The following HAL variants were observed in gnomAD, a reference collection of about 807,000 sequenced individuals.
HAL encodes the protein histidase.
In HAL, 85 loss-of-function variants were observed where a neutral mutation model predicts 81.1. That is an observed-to-expected ratio of 1.05 (90% CI 0.88 to 1.25). The LOEUF (loss-of-function observed/expected upper bound fraction) is 1.25. HAL is among the 50% of genes most tolerant of loss of function. The pLI, the probability that HAL is intolerant of heterozygous loss-of-function variation, is 0.00. For missense variants in HAL, 798 were observed against 836.6 expected, an observed-to-expected ratio of 0.95 and a Z score of 0.57; for synonymous variants, 301 against 309.2, an observed-to-expected ratio of 0.97 and a Z score of 0.28.
rs1361520406 is a variant in HAL, at chr12:95,973,959, T to G, written c.*273A>C. The G allele has an allele frequency of 1.0e-5, 5 of 492,918 alleles. No homozygotes were observed. The highest frequency in any genetic ancestry group is 1.9e-5 in the African/African-American group (1 of 51,748). The allele number at this position is 492,918 out of a possible 1,614,324, so 30.5% of individuals were successfully genotyped here. On this transcript the variant is annotated 3_prime_UTR_variant, in exon 21 of 21. Coordinates refer to ENST00000261208, the MANE Select transcript of HAL (RefSeq NM_002108.4). ...CAATTGTGGTTATTCTTCTCACCCTTAAGAGTGAGTGGCCTGTTGAAACTG... is the reference window on the plus strand; with the variant it reads ...CAATTGTGGTTATTCTTCTCACCCTGAAGAGTGAGTGGCCTGTTGAAACTG...
At position 95,983,098 on chromosome 12, in the gene HAL, A is replaced by C. The variant is rs532777749; in HGVS notation, c.1287+813T>G. 3.7e-4 allele frequency among the ~76,000 whole-genome samples: 57 copies of C among 152,352 alleles called. No individual in the cohort carries two copies. The South Asian group carries it at 9.3e-3, about 25-fold the overall frequency. ...AAGTGCGCATGACAAATAAAAACTC[A>C]TGATGGGGGCTGGGTGTAGTCGCTC... On this transcript the variant is annotated intron_variant, in intron 15 of 20. Coordinates refer to ENST00000261208, the MANE Select transcript of HAL (RefSeq NM_002108.4).
In HAL at chr12:95,989,524, G is replaced by A. The variant is rs1196563056; in HGVS notation, c.855+869C>T. On this transcript the variant is annotated intron_variant, in intron 10 of 20. Transcript: ENST00000261208. ...CTTCTCCAAGCAACCTCCAGTTTCT[G>A]CAATGCAGAACCACACATAGAAGGG... 3.3e-5 allele frequency: 5 copies of A among 152,306 alleles called. No individual in the cohort carries two copies. In the East Asian group the frequency reaches 7.7e-4, roughly 23 times the overall value. The allele number at this position is 152,306 out of a possible 1,614,324, so 9.4% of individuals were successfully genotyped here. A position where few individuals can be genotyped will look rare whatever the true frequency, so the allele number is the denominator to read the frequency against.
chr12:95,990,129 G>C (rs1949950764), intron 10 of HAL, among the ~76,000 whole-genome samples: 2 of 152,182 alleles, frequency 1.3e-5, no homozygotes, highest in South Asian at 4.1e-4. Context: ...GTAGGTGCAG[G>C]ATAAATAGTT....
chr12:95,980,522 G>A (rs773333566), intron 17 of HAL, 34 bp downstream of exon 17: 12 of 1,602,480 alleles, frequency 7.5e-6, no homozygotes, highest in East Asian at 4.5e-5. Flanking sequence ...TAGATGGACG[G>A]GCGTGTGTTC....
At chr12:95,984,206 A>G (rs1949848788) in intron 14 of HAL, among the ~76,000 whole-genome samples, 1 of 152,234 alleles carries the variant, frequency 6.6e-6, no homozygotes, top group South Asian at 2.1e-4. Context: ...ATTCATTATC[A>G]TATATATTCA....
In HAL at chr12:95,993,585, G is replaced by T. The variant is rs1949997310; in HGVS notation, c.552-97C>A. ...AGGGAATCATGGTCAAATCCTTGGA[G>T]GGACAGAAGGAAGGCAATGGGAGAA... On this transcript the variant is annotated intron_variant, in intron 7 of 20. Coordinates refer to ENST00000261208, the MANE Select transcript of HAL (RefSeq NM_002108.4). 11 of 951,388 alleles carry T rather than the reference G, an allele frequency of 1.2e-5. No homozygotes were observed. The East Asian group carries it at 2.4e-4, about 21-fold the overall frequency. The allele number at this position is 951,388 out of a possible 1,614,324, so 58.9% of individuals were successfully genotyped here. A position where few individuals can be genotyped will look rare whatever the true frequency, so the allele number is the denominator to read the frequency against.
Position 95,987,003 on chromosome 12 carries a change from C to T in HAL, c.1051+64G>A, listed in dbSNP as rs1949897237. The T allele has an allele frequency of 2.8e-6, 4 of 1,414,682 alleles. No individual in the cohort carries two copies. The Admixed American group carries it at 5.0e-5, about 18-fold the overall frequency. The allele number at this position is 1,414,682 out of a possible 1,614,324, so 87.6% of individuals were successfully genotyped here. ...CCACCACTTCTGTGTCTAAAGATCTCAGCCACCCCGCCCCACCACCTCTGG... is the reference window on the plus strand; with the variant it reads ...CCACCACTTCTGTGTCTAAAGATCTTAGCCACCCCGCCCCACCACCTCTGG... On this transcript the variant is annotated intron_variant, in intron 12 of 20. Transcript: ENST00000261208.
Position 95,980,565 on chromosome 12 carries a change from C to T in HAL, c.1510G>A (p.Ala504Thr), listed in dbSNP as rs2080778196. The T allele has an allele frequency of 1.2e-6, 2 of 1,613,366 alleles. No individual in the cohort carries two copies. The highest frequency in any genetic ancestry group is 1.3e-5 in the African/African-American group (1 of 74,900). ...GGGGCAGTGTCCTTACCAAGGGCTG[C>T]TGCCGTGCAGTGAGCTATCATGAAC... ...SGFMIAHCTAAALVSENKALC... is the reference protein window; with the variant it reads ...SGFMIAHCTATALVSENKALC... Residue 504 changes from alanine (A) to threonine (T), a missense_variant, in exon 17 of 21, where the codon GCA becomes ACA. Physicochemically the swap from Ala to Thr is moderately conservative, Grantham distance 58. Coordinates refer to ENST00000261208, the MANE Select transcript of HAL (RefSeq NM_002108.4).
chr12:95,976,698 T>G lies in HAL; in HGVS notation c.1663A>C (p.Ile555Leu), dbSNP rs2080724630. The change falls in exon 19 of 21, where the codon ATC (isoleucine) becomes CTC (leucine). Residue 555 changes from isoleucine (I) to leucine (L), a missense_variant. Coordinates refer to ENST00000261208, the MANE Select transcript of HAL (RefSeq NM_002108.4). Reference protein sequence around the residue: ...VIEHVEQVLAIELLAACQGIE... With the variant: ...VIEHVEQVLALELLAACQGIE... ...CCCTGGCAGGCTGCAAGGAGCTCGA[T>G]GGCCAGCACTGAAACAAGAAATTCC... 3 of 1,601,354 alleles carry G rather than the reference T, an allele frequency of 1.9e-6. No individual in the cohort carries two copies. Among genetic ancestry groups the G allele is most frequent in the Non-Finnish European group, 2.6e-6 (3 of 1,168,438 alleles).
intron 17 of HAL, among the ~76,000 whole-genome samples, chr12:95,978,770 G>C (rs150911487): frequency 2.6e-5 from 4 of 152,288 alleles, no homozygotes; most frequent in African/African-American, 9.6e-5. Flanking sequence ...CAAAAACTTA[G>C]GTTATGAAGT....
At position 95,993,433 on chromosome 12, in the gene HAL, C is replaced by A; in HGVS notation, c.589+18G>T. On this transcript the variant is annotated intron_variant, in intron 8 of 20. Coordinates refer to ENST00000261208, the MANE Select transcript of HAL (RefSeq NM_002108.4). ...CTAATCACACAAGATCCAGGAGGCA[C>A]CCAACGTTTTGACTTACCTGAAGAA... The A allele has an allele frequency of 6.5e-7, 1 of 1,539,374 alleles. No individual in the cohort carries two copies. Among genetic ancestry groups the A allele is most frequent in the Non-Finnish European group, 9.0e-7 (1 of 1,111,720 alleles).
At position 95,974,256 on chromosome 12, in the gene HAL, T is replaced by C; in HGVS notation, c.1950A>G (p.Lys650=). 6.2e-7 allele frequency: 1 copy of C among 1,614,064 alleles called. No individual in the cohort carries two copies. Among genetic ancestry groups the C allele is most frequent in the Non-Finnish European group, 8.5e-7 (1 of 1,179,938 alleles). Residue 650 remains lysine (K), a synonymous_variant, in exon 21 of 21, where the codon AAA becomes AAG. Coordinates refer to ENST00000261208, the MANE Select transcript of HAL (RefSeq NM_002108.4). ...SLQFLHKKST[K]IPESEDL ...ATTAAAGGTCCTCAGACTCCGGGAT[T>C]TTGGTGGATTTCTTGTGCAGAAATT... is the stretch of plus-strand genomic sequence containing the variant.
intron 17 of HAL, among the ~76,000 whole-genome samples, chr12:95,978,942 TG>T (rs2080758945): frequency 6.6e-6 from 1 of 152,198 alleles, no homozygotes; most frequent in Non-Finnish European, 1.5e-5. Flanking sequence ...CATGCTACTT[TG>T]TCAAGGTCAT....
In HAL at chr12:95,988,172, AT is replaced by A; in HGVS notation, c.903+20del. The A allele has an allele frequency of 8.1e-7, 1 of 1,241,120 alleles. No individual in the cohort carries two copies. The highest frequency in any genetic ancestry group is 1.2e-6 in the Non-Finnish European group (1 of 839,792). The allele number at this position is 1,241,120 out of a possible 1,614,324, so 76.9% of individuals were successfully genotyped here. ...ATAAAAACTCATGCACTATGAACAT[AT>A]TTTTCTTGAGTTTCCTTACCTCTTT... is the stretch of plus-strand genomic sequence containing the variant. On this transcript the variant is annotated intron_variant, in intron 11 of 20. Coordinates refer to ENST00000261208, the MANE Select transcript of HAL (RefSeq NM_002108.4).
intron 17 of HAL, 31 bp downstream of exon 17, chr12:95,980,525 G>C (rs767416896): frequency 2.5e-6 from 4 of 1,603,790 alleles, no homozygotes; most frequent in Non-Finnish European, 2.6e-6. Flanking sequence ...ATGGACGGGC[G>C]TGTGTTCTGG....
At position 95,996,133 on chromosome 12, in the gene HAL, G is replaced by T; in HGVS notation, c.-137C>A. ...AGGGGCAGGAGCAGGGGATGCAGAC[G>T]GGTGAGCCTCCTGTCCACTTTCCAT... On this transcript the variant is annotated 5_prime_UTR_variant, in exon 1 of 21. Coordinates refer to ENST00000261208, the MANE Select transcript of HAL (RefSeq NM_002108.4). 1.8e-6 allele frequency: 1 copy of T among 564,632 alleles called. No homozygotes were observed. The highest frequency in any genetic ancestry group is 1.9e-5 in the South Asian group (1 of 53,434). 35.0% of individuals were successfully genotyped at this position (564,632 alleles called of 1,614,324 possible).
At chr12:95,985,876 T>C (rs1040967606) in intron 14 of HAL, 32 bp downstream of exon 14, 6 of 1,510,270 alleles carry the variant, frequency 4.0e-6, no homozygotes, top group Non-Finnish European at 5.5e-6. Context: ...ATTGGCATTT[T>C]TTATTGACCT....
At chr12:95,989,778 C>A in intron 10 of HAL, 1 of 159,310 alleles carries the variant, frequency 6.3e-6, no homozygotes, top group Admixed American at 5.8e-5. Flanking sequence ...AGCTGCATCC[C>A]CAAAAGGATT....
At position 95,986,170 on chromosome 12, in the gene HAL, A is replaced by T; in HGVS notation, c.1052-10T>A. On this transcript the variant is annotated splice_polypyrimidine_tract_variant and intron_variant, in intron 12 of 20. Coordinates refer to ENST00000261208, the MANE Select transcript of HAL (RefSeq NM_002108.4). ...CGAAGAGCATGAATGTCTAGAATTG[A>T]TGAAGGAGAAAAAGTCTGAATAATT... The T allele has an allele frequency of 6.8e-7, 1 of 1,475,896 alleles. No individual in the cohort carries two copies. Among genetic ancestry groups the T allele is most frequent in the Non-Finnish European group, 9.5e-7 (1 of 1,053,670 alleles). The allele number at this position is 1,475,896 out of a possible 1,614,324, so 91.4% of individuals were successfully genotyped here.
Sources: allele counts gnomAD v4.1 joint callset (sites outside exome capture counted in the v4.1 genomes callset), GRCh38; gene constraint gnomAD v4.1.1; transcripts MANE v1.5; gene names NCBI Gene and HGNC (gene_info 2026-07-23, HGNC 2026-07-21).